Variants in GALNTL6 observed in about 807,000 individuals in gnomAD.
GALNTL6 encodes polypeptide N-acetylgalactosaminyltransferase-like 6.
A neutral mutation model predicts 73.7 loss-of-function variants in GALNTL6; 46 were observed. That is an observed-to-expected ratio of 0.62 (90% CI 0.49 to 0.80). GALNTL6 has a LOEUF of 0.80. Among genes scored for constraint, GALNTL6 ranks in the 30% least tolerant of loss-of-function variants. GALNTL6 has a pLI of 0.00. For synonymous variants in GALNTL6, 259 were observed against 263.7 expected, an observed-to-expected ratio of 0.98 and a Z score of 0.17; for missense variants, 604 against 755.0, an observed-to-expected ratio of 0.80 and a Z score of 2.34.
At position 172,034,285 on chromosome 4, in the gene GALNTL6, C is replaced by G. The variant is rs1023073510; in HGVS notation, c.139-195371C>G. Among the ~76,000 whole-genome samples the G allele has an allele frequency of 2.6e-5, 4 of 151,914 alleles. No homozygotes were observed. In the South Asian group the frequency reaches 8.3e-4, roughly 31 times the overall value. ...GTACCAACTCAGACACTTTGAGGAG[C>G]TGGCCATAGCTGGGATTTCCTTTTT... On this transcript the variant is annotated intron_variant, in intron 2 of 12. Coordinates refer to ENST00000506823, the MANE Select transcript of GALNTL6 (RefSeq NM_001034845.3).
At chr4:172,915,542 G>T (rs1201624173) in intron 8 of GALNTL6, among the ~76,000 whole-genome samples, 1 of 152,114 alleles carries the variant, frequency 6.6e-6, no homozygotes, top group Non-Finnish European at 1.5e-5. Flanking sequence ...TCAAATAGAT[G>T]CAGTAAAAAA....
intron 10 of GALNTL6, among the ~76,000 whole-genome samples, chr4:172,971,291 G>A (rs562475271): frequency 1.1e-4 from 17 of 152,190 alleles, no homozygotes; most frequent in South Asian, 2.1e-4. Flanking sequence ...TGTTATAGCC[G>A]CACAAAACAG....
intron 5 of GALNTL6, among the ~76,000 whole-genome samples, chr4:172,464,481 G>T (rs764052646): frequency 1.3e-5 from 2 of 152,082 alleles, no homozygotes; most frequent in Non-Finnish European, 2.9e-5. Context: ...GCTGAGGCAG[G>T]TGGGTCACCT....
intron 4 of GALNTL6, among the ~76,000 whole-genome samples, chr4:172,340,412 T>C (rs931320984): frequency 1.3e-5 from 2 of 152,198 alleles, no homozygotes; most frequent in African/African-American, 4.8e-5. Flanking sequence ...TACTCAGGAT[T>C]CTTGCATCTA....
At chr4:172,156,555 A>ATATAGTATATATATATATATATAG (rs1553997734) in intron 2 of GALNTL6, among the ~76,000 whole-genome samples, 2 of 136,462 alleles carry the variant, frequency 1.5e-5, no homozygotes, top group African/African-American at 5.8e-5. Context: ...ATATATATAT[A>ATATAGTATATATATATATATATAG]TATATATATA....
intron 8 of GALNTL6, among the ~76,000 whole-genome samples, chr4:172,919,274 A>T (rs1316689683): frequency 6.6e-6 from 1 of 152,216 alleles, no homozygotes; most frequent in East Asian, 1.9e-4. Flanking sequence ...TGGTGGCCTG[A>T]GGGCCTCAAG....
intron 2 of GALNTL6, among the ~76,000 whole-genome samples, chr4:172,207,760 T>A (rs1478243347): frequency 6.6e-6 from 1 of 152,166 alleles, no homozygotes; most frequent in Non-Finnish European, 1.5e-5. Context: ...AATTACAAAT[T>A]CTCTCTAATG....
intron 5 of GALNTL6, among the ~76,000 whole-genome samples, chr4:172,714,092 C>T (rs758673345): frequency 1.6e-4 from 24 of 152,024 alleles, no homozygotes; most frequent in Non-Finnish European, 2.6e-4. Context: ...TTGTGGTGTA[C>T]GATGACAGAC....
intron 2 of GALNTL6, among the ~76,000 whole-genome samples, chr4:171,934,139 T>C (rs184222783): frequency 6.6e-6 from 1 of 152,322 alleles, no homozygotes; most frequent in East Asian, 1.9e-4. Context: ...TATCAAGAGA[T>C]GATATGACTT....
At chr4:171,831,401 G>A (rs1232231360) in intron 2 of GALNTL6, among the ~76,000 whole-genome samples, 2 of 151,994 alleles carry the variant, frequency 1.3e-5, no homozygotes, top group African/African-American at 4.8e-5. Flanking sequence ...ATAACATTGT[G>A]TTTGGTGAAA....
At chr4:172,807,930 C>A (rs903471348) in intron 5 of GALNTL6, among the ~76,000 whole-genome samples, 3 of 152,198 alleles carry the variant, frequency 2.0e-5, no homozygotes, top group African/African-American at 7.2e-5. Context: ...TCAATCAATT[C>A]TCCTGCCTCA....
intron 2 of GALNTL6, among the ~76,000 whole-genome samples, chr4:171,995,819 G>A (rs769687195): frequency 6.6e-6 from 1 of 152,160 alleles, no homozygotes; most frequent in East Asian, 1.9e-4. Context: ...TATGTTGGTA[G>A]TAGGATAACA....
chr4:172,041,891 C>T (rs1373660048), intron 2 of GALNTL6, among the ~76,000 whole-genome samples: 1 of 152,016 alleles, frequency 6.6e-6, no homozygotes, highest in East Asian at 1.9e-4. Flanking sequence ...TGAGGTTATG[C>T]CATTTCCAAG....
intron 5 of GALNTL6, among the ~76,000 whole-genome samples, chr4:172,753,825 A>T (rs999019482): frequency 5.9e-5 from 9 of 152,280 alleles, no homozygotes; most frequent in Admixed American, 1.3e-4. Flanking sequence ...TTTTTAAAAG[A>T]ACAAAAGGAT....
chr4:171,969,804 C>G (rs1390608379), intron 2 of GALNTL6, among the ~76,000 whole-genome samples: 1 of 149,000 alleles, frequency 6.7e-6, no homozygotes, highest in African/African-American at 2.5e-5. Flanking sequence ...GAGTCTCACT[C>G]TGTCATTCAG....
chr4:172,156,694 C>A (rs1381328992), intron 2 of GALNTL6, among the ~76,000 whole-genome samples: 1 of 150,894 alleles, frequency 6.6e-6, no homozygotes, highest in Non-Finnish European at 1.5e-5. Context: ...TAGGAAAACA[C>A]AATCAAGTTG....
intron 2 of GALNTL6, among the ~76,000 whole-genome samples, chr4:172,018,409 G>C (rs756820727): frequency 1.3e-5 from 2 of 152,040 alleles, no homozygotes; most frequent in Non-Finnish European, 2.9e-5. Flanking sequence ...TTTAGGGAGT[G>C]GTTCTCAGTT....
At chr4:172,871,949 A>G (rs1744967850) in intron 7 of GALNTL6, among the ~76,000 whole-genome samples, 1 of 151,968 alleles carries the variant, frequency 6.6e-6, no homozygotes, top group South Asian at 2.1e-4. Context: ...ATGCGCCACC[A>G]TGCCCGGCTA....
intron 5 of GALNTL6, among the ~76,000 whole-genome samples, chr4:172,595,132 A>G (rs1202184603): frequency 6.6e-6 from 1 of 152,174 alleles, no homozygotes; most frequent in African/African-American, 2.4e-5. Flanking sequence ...ATTATCTCCT[A>G]AAAGCTCTAC....
Sources: gnomAD v4.1 joint callset for allele counts (sites outside exome capture counted in the v4.1 genomes callset) on GRCh38, gnomAD v4.1.1 for gene constraint, MANE v1.5 for transcripts, NCBI Gene and HGNC (gene_info 2026-07-23, HGNC 2026-07-21) for gene names.